Variants in UBA6 observed in about 807,000 individuals in gnomAD.
UBA6 encodes the protein ubiquitin-like modifier-activating enzyme 6.
UBA6 carries 87 observed loss-of-function variants against 148.3 expected under a neutral mutation model. The ratio of observed to expected loss-of-function variants is 0.59; its 90% CI spans 0.49 to 0.70. The LOEUF (loss-of-function observed/expected upper bound fraction) is 0.70, where lower values mean the gene tolerates loss of function less well. Among genes scored for constraint, UBA6 ranks in the 30% least tolerant of loss-of-function variants. The pLI, the probability that UBA6 is intolerant of heterozygous loss-of-function variation, is 0.00. For synonymous variants in UBA6, 376 were observed against 401.0 expected, an observed-to-expected ratio of 0.94 and a Z score of 0.75; for missense variants, 1,186 against 1,241.2, an observed-to-expected ratio of 0.96 and a Z score of 0.67.
At chr4:67,697,088 G>A (rs1730859743) in intron 1 of UBA6, among the ~76,000 whole-genome samples, 2 of 151,924 alleles carry the variant, frequency 1.3e-5, no homozygotes, top group African/African-American at 4.8e-5. Context: ...TTACTGCAAC[G>A]TCCACCTCCT....
intron 28 of UBA6, among the ~76,000 whole-genome samples, chr4:67,626,154 ATCTT>A (rs1428481529): frequency 3.9e-5 from 6 of 151,992 alleles, no homozygotes; most frequent in African/African-American, 1.4e-4. Context: ...TTAGACTTCA[ATCTT>A]TGAGAGTAGG....
intron 16 of UBA6, among the ~76,000 whole-genome samples, chr4:67,645,714 T>C (rs1729407926): frequency 6.6e-6 from 1 of 152,192 alleles, no homozygotes; most frequent in African/African-American, 2.4e-5. Context: ...GAAATTATCA[T>C]ACTCATACTT....
intron 9 of UBA6, among the ~76,000 whole-genome samples, chr4:67,667,805 G>A (rs1487578464): frequency 2.6e-5 from 4 of 151,942 alleles, no homozygotes; most frequent in Admixed American, 6.6e-5. Context: ...TCCTGGTTTC[G>A]GCACCTTTCA....
intron 23 of UBA6, 125 bp from the exon 24 acceptor site, chr4:67,632,033 A>C (rs1022645298): frequency 3.5e-6 from 3 of 859,318 alleles, no homozygotes; most frequent in African/African-American, 1.7e-5. Context: ...AAACACATTA[A>C]AAGAGACACA....
chr4:67,663,106 G>C, intron 12 of UBA6, 33 bp downstream of exon 12: 1 of 1,519,476 alleles, frequency 6.6e-7, no homozygotes, highest in East Asian at 2.3e-5. Flanking sequence ...TTTATAAAAA[G>C]GAAAATACTT....
chr4:67,646,682 C>G lies in UBA6; in HGVS notation c.1316+42G>C, dbSNP rs752974685. 8 of 1,469,478 alleles carry G rather than the reference C, an allele frequency of 5.4e-6. No individual in the cohort carries two copies. In the East Asian group the frequency reaches 1.6e-4, roughly 30 times the overall value. The allele number at this position is 1,469,478 out of a possible 1,614,324, so 91.0% of individuals were successfully genotyped here. On this transcript the variant is annotated intron_variant, in intron 15 of 32. Coordinates refer to ENST00000322244, the MANE Select transcript of UBA6 (RefSeq NM_018227.6). ...TATGTTTAGACAAAACTTTTAAAAT[C>G]TATTTGCCTGTTAGTAAAAGCAAGA...
At chr4:67,661,961 ATTTC>A in intron 13 of UBA6, 1 of 450,642 alleles carries the variant, frequency 2.2e-6, no homozygotes, top group Non-Finnish European at 3.9e-6. Flanking sequence ...GTCACATGGC[ATTTC>A]TAAGTACTTT....
At chr4:67,646,891 GATAAA>G in intron 14 of UBA6, 100 bp from the exon 15 acceptor site, 2 of 483,954 alleles carry the variant, frequency 4.1e-6, no homozygotes, top group Non-Finnish European at 6.6e-6. Flanking sequence ...AGAAAAAAAT[GATAAA>G]ATAAGGCAAT....
chr4:67,673,841 A>C, intron 6 of UBA6, 64 bp from the exon 7 acceptor site: 1 of 1,153,750 alleles, frequency 8.7e-7, no homozygotes, highest in East Asian at 2.5e-5. Context: ...GTATACAATA[A>C]TCAGAAGCAT....
intron 26 of UBA6, among the ~76,000 whole-genome samples, chr4:67,629,955 T>C (rs1577791834): frequency 6.6e-6 from 1 of 152,102 alleles, no homozygotes; most frequent in Non-Finnish European, 1.5e-5. Context: ...CAAAACCGTA[T>C]GAGGCTCTTT....
At chr4:67,685,957 T>C (rs1730548806) in intron 2 of UBA6, among the ~76,000 whole-genome samples, 1 of 152,164 alleles carries the variant, frequency 6.6e-6, no homozygotes, top group South Asian at 2.1e-4. Context: ...TTGTACCAAG[T>C]AATATGTCAG....
chr4:67,698,433 C>T (rs1201219296), intron 1 of UBA6, among the ~76,000 whole-genome samples: 1 of 152,186 alleles, frequency 6.6e-6, no homozygotes, highest in Non-Finnish European at 1.5e-5. Flanking sequence ...TTTAGATGTA[C>T]TTATTCAGTT....
chr4:67,668,510 C>A (rs1730062505), intron 9 of UBA6, 41 bp downstream of exon 9: 6 of 1,568,760 alleles, frequency 3.8e-6, no homozygotes, highest in Non-Finnish European at 5.2e-6. Context: ...TATAAATTTG[C>A]TGAATAAGTA....
chr4:67,631,376 A>C (rs908416953), intron 25 of UBA6, among the ~76,000 whole-genome samples: 2 of 152,204 alleles, frequency 1.3e-5, no homozygotes, highest in Admixed American at 6.5e-5. Flanking sequence ...CATATAACTG[A>C]AGATTCTTAT....
chr4:67,632,966 T>C (rs954225263), intron 23 of UBA6, among the ~76,000 whole-genome samples: 1 of 152,212 alleles, frequency 6.6e-6, no homozygotes, highest in African/African-American at 2.4e-5. Flanking sequence ...TAGTAATTTT[T>C]TATGTGCCAG....
At position 67,665,214 on chromosome 4, in the gene UBA6, A is replaced by G; in HGVS notation, c.872T>C (p.Val291Ala). Residue 291 changes from valine to alanine, a missense_variant, in exon 10 of 33, where the codon GTT becomes GCT. Physicochemically the swap from Val to Ala is moderately conservative, Grantham distance 64 (BLOSUM62 0). Coordinates refer to ENST00000322244, the MANE Select transcript of UBA6 (RefSeq NM_018227.6). ...AAAAAAAACTGTTTTAGGAGTCTTA[A>G]CTTGGACAGCTATGCCTCCATGTAA... is the stretch of plus-strand genomic sequence containing the variant. ...PYLHGGIAVQ[V>A]KTPKTVFFES... The G allele has an allele frequency of 6.3e-7, 1 of 1,598,358 alleles. No homozygotes were observed. The highest frequency in any genetic ancestry group is 8.5e-7 in the Non-Finnish European group (1 of 1,175,068).
chr4:67,661,412 TG>T (rs796898784), intron 13 of UBA6, among the ~76,000 whole-genome samples: 3 of 152,328 alleles, frequency 2.0e-5, no homozygotes, highest in African/African-American at 7.2e-5. Flanking sequence ...TGTAAGAACC[TG>T]GCAGTTCCCC....
intron 1 of UBA6, among the ~76,000 whole-genome samples, chr4:67,697,429 G>C (rs1481491037): frequency 6.6e-6 from 1 of 152,142 alleles, no homozygotes; most frequent in African/African-American, 2.4e-5. Flanking sequence ...TGATTATATT[G>C]AAACTTATTT....
At chr4:67,641,032 A>C in intron 18 of UBA6, 119 bp downstream of exon 18, 2 of 678,376 alleles carry the variant, frequency 2.9e-6, no homozygotes, top group Non-Finnish European at 5.1e-6. Context: ...CCATTAATTG[A>C]TAATTTGAAA....
Sources: gnomAD v4.1 joint callset for allele counts (sites outside exome capture counted in the v4.1 genomes callset) on GRCh38, gnomAD v4.1.1 for gene constraint, MANE v1.5 for transcripts, NCBI Gene and HGNC (gene_info 2026-07-23, HGNC 2026-07-21) for gene names.